Variants in CXCL13 observed in about 807,000 individuals in gnomAD.
The protein encoded by CXCL13 is C-X-C motif chemokine ligand 13.
Under a neutral mutation model 12.2 loss-of-function variants are expected in CXCL13, and 7 were observed. The ratio of observed to expected loss-of-function variants is 0.57; its 90% CI spans 0.33 to 1.07. The LOEUF is 1.07. Ranked by LOEUF, CXCL13 falls within the 50% of genes least tolerant of loss-of-function variation. The pLI is 0.04. For missense variants in CXCL13, 113 were observed against 127.4 expected, an observed-to-expected ratio of 0.89 and a Z score of 0.55; for synonymous variants, 47 against 42.4, an observed-to-expected ratio of 1.11 and a Z score of -0.42.
intron 1 of CXCL13, among the ~76,000 whole-genome samples, chr4:77,558,205 C>A (rs1373663731): frequency 1.3e-5 from 2 of 152,216 alleles, no homozygotes; most frequent in East Asian, 1.9e-4. Context: ...GCTGTTTTTG[C>A]AGCAACTTAA....
intron 1 of CXCL13, among the ~76,000 whole-genome samples, chr4:77,517,409 T>C (rs1724452371): frequency 6.6e-6 from 1 of 152,174 alleles, no homozygotes; most frequent in South Asian, 2.1e-4. Flanking sequence ...CAGTGGGGTG[T>C]TAAAGTCTCC....
rs1724511847 is a variant in CXCL13, at chr4:77,519,243, G to T, written c.-43+7455G>T. ...CAGTTAGGCTGCTCAGGGGTCAGGG[G>T]TCAGGGACCCACTTGAGGCAGTCTG... On this transcript the variant is annotated intron_variant, in intron 1 of 4. Coordinates refer to the CXCL13 transcript ENST00000286758. Among the ~76,000 whole-genome samples, 3 of 152,320 alleles carry T rather than the reference G, an allele frequency of 2.0e-5. No homozygotes were observed. In the South Asian group the frequency reaches 6.2e-4, roughly 32 times the overall value.
chr4:77,568,467 G>T (rs1462680748), intron 1 of CXCL13, among the ~76,000 whole-genome samples: 1 of 152,198 alleles, frequency 6.6e-6, no homozygotes, highest in Non-Finnish European at 1.5e-5. Flanking sequence ...GTGCCAAAAT[G>T]CTTGCTTATG....
intron 1 of CXCL13, among the ~76,000 whole-genome samples, chr4:77,548,662 C>T (rs767095820): frequency 6.4e-4 from 97 of 152,166 alleles, no homozygotes; most frequent in Non-Finnish European, 1.2e-3. Context: ...GAATATTGGC[C>T]CCCATTCTCT....
chr4:77,571,538 G>A (rs1480405855), intron 1 of CXCL13, among the ~76,000 whole-genome samples: 1 of 151,872 alleles, frequency 6.6e-6, no homozygotes, highest in Non-Finnish European at 1.5e-5. Context: ...CTCTGGTGGG[G>A]CCTTGGAGAA....
chr4:77,514,618 C>T (rs1181627414), intron 1 of CXCL13, among the ~76,000 whole-genome samples: 22 of 148,866 alleles, frequency 1.5e-4, no homozygotes, highest in African/African-American at 5.4e-4. Context: ...TGAGAAGTGT[C>T]TGTTCATGTC....
chr4:77,532,449 C>A (rs953309515), intron 1 of CXCL13, among the ~76,000 whole-genome samples: 8 of 152,124 alleles, frequency 5.3e-5, no homozygotes, highest in African/African-American at 1.7e-4. Context: ...TTGTGGGTAA[C>A]CTGACCTTTC....
In CXCL13 at chr4:77,532,557, G is replaced by A. The variant is rs546093583; in HGVS notation, c.-43+20769G>A. On this transcript the variant is annotated intron_variant, in intron 1 of 4. Coordinates refer to the CXCL13 transcript ENST00000286758. ...GCTGTTCTCGAGGAGTATCTTTGTG[G>A]CGTTCTCCGTATTTCCTGAATTTGA... is the stretch of plus-strand genomic sequence containing the variant. Among the ~76,000 whole-genome samples the A allele has an allele frequency of 2.6e-5, 4 of 152,158 alleles. No individual in the cohort carries two copies. The East Asian group carries it at 7.7e-4, about 29-fold the overall frequency.
chr4:77,526,343 T>A (rs1018680018), intron 1 of CXCL13, among the ~76,000 whole-genome samples: 16 of 152,116 alleles, frequency 1.1e-4, no homozygotes, highest in African/African-American at 3.6e-4. Context: ...GAAACATTCA[T>A]CTAATATGCT....
intron 1 of CXCL13, among the ~76,000 whole-genome samples, chr4:77,533,425 G>A (rs1250805342): frequency 6.6e-6 from 1 of 152,196 alleles, no homozygotes; most frequent in Non-Finnish European, 1.5e-5. Context: ...CCGGCCATGT[G>A]AGGTGTCAGT....
chr4:77,524,114 G>A (rs1284482006), intron 1 of CXCL13, among the ~76,000 whole-genome samples: 1 of 152,118 alleles, frequency 6.6e-6, no homozygotes, highest in Non-Finnish European at 1.5e-5. Flanking sequence ...TTATCCCAGA[G>A]GGGCACCTGC....
intron 1 of CXCL13, among the ~76,000 whole-genome samples, chr4:77,561,770 CGGT>C (rs1419969247): frequency 6.6e-6 from 1 of 152,204 alleles, no homozygotes; most frequent in Non-Finnish European, 1.5e-5. Context: ...TCCTTGGCCT[CGGT>C]GCACACTCTG....
At chr4:77,593,490 T>G (rs189385658) in intron 1 of CXCL13, among the ~76,000 whole-genome samples, 206 of 152,354 alleles carry the variant, frequency 1.4e-3, no homozygotes, top group African/African-American at 4.6e-3. Flanking sequence ...TCAACTCATG[T>G]GGCTTTGAGG....
chr4:77,580,765 C>T (rs1354616992), intron 1 of CXCL13, among the ~76,000 whole-genome samples: 9 of 115,806 alleles, frequency 7.8e-5, no homozygotes, highest in African/African-American at 2.9e-4. Context: ...CCCTCCTCTC[C>T]CTCCTTCCCC....
chr4:77,550,707 G>A (rs1241456861), intron 1 of CXCL13, among the ~76,000 whole-genome samples: 2 of 152,154 alleles, frequency 1.3e-5, no homozygotes, highest in Non-Finnish European at 2.9e-5. Flanking sequence ...GATGCTGTCA[G>A]TAGGGTGTTA....
In CXCL13 at chr4:77,611,363, A is replaced by C; in HGVS notation, c.*324A>C. On this transcript the variant is annotated 3_prime_UTR_variant, in exon 4 of 4. Coordinates refer to ENST00000682537, the MANE Select transcript of CXCL13 (RefSeq NM_001371558.1). ...TTTAAAATTTCTTAGAAAACAATGG[A>C]ATGAGAATTTAAGCCTCAAATTTGA... The C allele has an allele frequency of 2.8e-6, 1 of 359,122 alleles. No individual in the cohort carries two copies. The highest frequency in any genetic ancestry group is 4.9e-6 in the Non-Finnish European group (1 of 202,848). 22.2% of individuals were successfully genotyped at this position (359,122 alleles called of 1,614,324 possible).
At chr4:77,585,212 C>A (rs1726428094) in intron 1 of CXCL13, among the ~76,000 whole-genome samples, 1 of 152,148 alleles carries the variant, frequency 6.6e-6, no homozygotes, top group African/African-American at 2.4e-5. Flanking sequence ...AGAAAGGCTT[C>A]TTTATTCAAT....
intron 1 of CXCL13, among the ~76,000 whole-genome samples, chr4:77,561,869 C>A (rs949355098): frequency 6.6e-6 from 1 of 152,188 alleles, no homozygotes; most frequent in Admixed American, 6.5e-5. Context: ...GCTCCCTCTG[C>A]TTGTGGGGTG....
chr4:77,605,243 G>T (rs1205370139), upstream of CXCL13, among the ~76,000 whole-genome samples: 1 of 152,116 alleles, frequency 6.6e-6, no homozygotes, highest in Non-Finnish European at 1.5e-5. Flanking sequence ...TTCCATGATG[G>T]TCAGATTATA....
Sources: allele counts gnomAD v4.1 joint callset (sites outside exome capture counted in the v4.1 genomes callset), GRCh38; gene constraint gnomAD v4.1.1; transcripts MANE v1.5; gene names NCBI Gene and HGNC (gene_info 2026-07-23, HGNC 2026-07-21).